Variants in PPP3CC observed in about 807,000 individuals in gnomAD.
PPP3CC encodes protein phosphatase 3 catalytic subunit gamma.
A neutral mutation model predicts 60.3 loss-of-function variants in PPP3CC; 35 were observed. That is an observed-to-expected ratio of 0.58 (90% CI 0.44 to 0.77). The LOEUF is 0.77. PPP3CC is among the 30% of genes least tolerant of loss of function. PPP3CC has a pLI of 0.00. For missense variants in PPP3CC, 570 were observed against 628.9 expected (o/e 0.91, Z 1.00); for synonymous variants, 206 against 224.3 (o/e 0.92, Z 0.73).
intron 1 of PPP3CC, among the ~76,000 whole-genome samples, chr8:22,459,618 C>G (rs993787423): frequency 6.6e-6 from 1 of 152,094 alleles, no homozygotes; most frequent in Non-Finnish European, 1.5e-5. Flanking sequence ...AGTGACCTCT[C>G]AGAGATTATT....
intron 6 of PPP3CC, among the ~76,000 whole-genome samples, chr8:22,516,076 C>T (rs1292426321): frequency 6.6e-6 from 1 of 152,068 alleles, no homozygotes; most frequent in Non-Finnish European, 1.5e-5. Context: ...GTAGCTGGAA[C>T]TATGGGCATG....
chr8:22,489,448 G>A (rs986490423), intron 3 of PPP3CC, among the ~76,000 whole-genome samples: 19 of 151,070 alleles, frequency 1.3e-4, no homozygotes, highest in Admixed American at 6.7e-4. Context: ...TACATCTAAT[G>A]TATATATGAA....
At chr8:22,517,097 A>G (rs761620366) in intron 6 of PPP3CC, among the ~76,000 whole-genome samples, 52 of 152,208 alleles carry the variant, frequency 3.4e-4, no homozygotes, top group African/African-American at 9.9e-4. Flanking sequence ...TTTTGCAGCA[A>G]CATTATAGAA....
intron 3 of PPP3CC, among the ~76,000 whole-genome samples, chr8:22,477,731 T>C (rs1837937124): frequency 6.6e-6 from 1 of 152,056 alleles, no homozygotes; most frequent in East Asian, 1.9e-4. Flanking sequence ...CTCCAACTCC[T>C]GGATTCAAGC....
At position 22,530,645 on chromosome 8, in the gene PPP3CC, A is replaced by G. The variant is rs887311829; in HGVS notation, c.1142-1580A>G. Among the ~76,000 whole-genome samples, 5 of 151,772 alleles carry G rather than the reference A, an allele frequency of 3.3e-5. 1 individual carries two copies. The highest frequency in any genetic ancestry group is 1.2e-4 in the African/African-American group (5 of 41,352). On this transcript the variant is annotated intron_variant, in intron 10 of 13. Coordinates refer to ENST00000240139, the MANE Select transcript of PPP3CC (RefSeq NM_005605.5). ...CAGGAGATCGACACCATGCTGGCCA[A>G]CATGGTGAAACCCCATCTCTACTAA...
At chr8:22,448,983 G>A (rs1359183831) in intron 1 of PPP3CC, among the ~76,000 whole-genome samples, 3 of 152,144 alleles carry the variant, frequency 2.0e-5, no homozygotes, top group Non-Finnish European at 4.4e-5. Context: ...GGTGGCTCTC[G>A]CCTATAGTCC....
intron 4 of PPP3CC, 79 bp downstream of exon 4, chr8:22,498,191 A>G: frequency 1.2e-6 from 1 of 840,300 alleles, no homozygotes; most frequent in Non-Finnish European, 1.8e-6. Context: ...AAGAAAAAAG[A>G]AACTAATAGA....
At chr8:22,528,695 G>A in intron 10 of PPP3CC, 118 bp downstream of exon 10, 54 of 757,434 alleles carry the variant, frequency 7.1e-5, no homozygotes, top group East Asian at 4.5e-4. Flanking sequence ...GTTCATTGTA[G>A]AAAAATAAAA....
At chr8:22,537,437 A>T (rs1839868822) in intron 12 of PPP3CC, among the ~76,000 whole-genome samples, 1 of 152,200 alleles carries the variant, frequency 6.6e-6, no homozygotes, top group African/African-American at 2.4e-5. Context: ...AGAAATTGGG[A>T]CCTTCTTAAC....
chr8:22,521,065 AC>A (rs1187228711), intron 6 of PPP3CC, among the ~76,000 whole-genome samples: 2 of 152,144 alleles, frequency 1.3e-5, no homozygotes, highest in East Asian at 3.9e-4. Flanking sequence ...CAGTGGGCGT[AC>A]CACTAGGGGC....
intron 3 of PPP3CC, among the ~76,000 whole-genome samples, chr8:22,480,766 A>G (rs1438493066): frequency 2.0e-5 from 3 of 152,154 alleles, no homozygotes; most frequent in Non-Finnish European, 4.4e-5. Context: ...GGTGTGAGCC[A>G]CTGCAGCCAG....
At chr8:22,492,707 A>G in intron 3 of PPP3CC, 2 of 952,058 alleles carry the variant, frequency 2.1e-6, no homozygotes, top group African/African-American at 1.6e-5. Context: ...CAGAAAGAAG[A>G]AGGCGGTTCA....
intron 12 of PPP3CC, among the ~76,000 whole-genome samples, chr8:22,533,391 A>G (rs937066311): frequency 6.6e-6 from 1 of 152,232 alleles, no homozygotes; most frequent in African/African-American, 2.4e-5. Flanking sequence ...AAGACACAAA[A>G]TGGAAGAAAA....
At chr8:22,489,890 C>G (rs1838348255) in intron 3 of PPP3CC, among the ~76,000 whole-genome samples, 1 of 150,620 alleles carries the variant, frequency 6.6e-6, no homozygotes, top group African/African-American at 2.4e-5. Context: ...GGCACGATCT[C>G]AGCTCACTGC....
At chr8:22,531,853 C>G (rs1172828785) in intron 10 of PPP3CC, among the ~76,000 whole-genome samples, 1 of 152,144 alleles carries the variant, frequency 6.6e-6, no homozygotes, top group Non-Finnish European at 1.5e-5. Context: ...CTAAGGTGGC[C>G]CACAGCATTA....
intron 6 of PPP3CC, among the ~76,000 whole-genome samples, chr8:22,515,460 C>T (rs981912551): frequency 6.6e-6 from 1 of 152,204 alleles, no homozygotes; most frequent in African/African-American, 2.4e-5. Flanking sequence ...CTTCAATATA[C>T]TGATTTCCTT....
chr8:22,533,058 G>A lies in PPP3CC; in HGVS notation c.1321+40G>A, dbSNP rs756083131. The A allele has an allele frequency of 2.4e-4, 336 of 1,428,964 alleles. 5 individuals carry two copies. The South Asian group carries it at 3.6e-3, about 15-fold the overall frequency. 88.5% of individuals were successfully genotyped at this position (1,428,964 alleles called of 1,614,324 possible). A position where few individuals can be genotyped will look rare whatever the true frequency, so the allele number is the denominator to read the frequency against. ...GCTCCTCCATGGAAGGTGTGCTCCC[G>A]TTACCTAACAGTCAGCACACACTTA... On this transcript the variant is annotated intron_variant, in intron 12 of 13. Transcript: ENST00000240139.
chr8:22,534,093 G>A (rs1178881966), intron 12 of PPP3CC, among the ~76,000 whole-genome samples: 1 of 151,472 alleles, frequency 6.6e-6, no homozygotes, highest in African/African-American at 2.4e-5. Flanking sequence ...TAGCTACTCA[G>A]GAGGCTGAAG....
At chr8:22,535,841 C>T (rs569619445) in intron 12 of PPP3CC, among the ~76,000 whole-genome samples, 1 of 152,368 alleles carries the variant, frequency 6.6e-6, no homozygotes, top group East Asian at 1.9e-4. Flanking sequence ...AAGCAATTCT[C>T]CTGCCTCAGC....
Sources: gnomAD v4.1 joint callset for allele counts (sites outside exome capture counted in the v4.1 genomes callset) on GRCh38, gnomAD v4.1.1 for gene constraint, MANE v1.5 for transcripts, NCBI Gene and HGNC (gene_info 2026-07-23, HGNC 2026-07-21) for gene names.